Variants in PRKCH observed in about 807,000 individuals in gnomAD.
PRKCH encodes protein kinase C eta type.
A neutral mutation model predicts 82.5 loss-of-function variants in PRKCH; 28 were observed. The ratio of observed to expected loss-of-function variants is 0.34; its 90% confidence interval spans 0.25 to 0.47. The LOEUF (loss-of-function observed/expected upper bound fraction) is 0.47, where lower values mean the gene tolerates loss of function less well. Among genes scored for constraint, PRKCH ranks in the 20% least tolerant of loss-of-function variants. The pLI is 1.00. For missense variants in PRKCH, 705 were observed against 881.8 expected, an observed-to-expected ratio of 0.80 and a Z score of 2.54; for synonymous variants, 322 against 327.4, an observed-to-expected ratio of 0.98 and a Z score of 0.18.
chr14:61,339,984 G>A (rs1164925638), intron 1 of PRKCH, among the ~76,000 whole-genome samples: 1 of 151,894 alleles, frequency 6.6e-6, no homozygotes, highest in Non-Finnish European at 1.5e-5. Context: ...TGTGCCTGGC[G>A]AAACCTTCAT....
chr14:61,494,564 G>A (rs139605496), intron 10 of PRKCH, among the ~76,000 whole-genome samples: 70 of 152,310 alleles, frequency 4.6e-4, no homozygotes, highest in Non-Finnish European at 9.1e-4. Flanking sequence ...TACAGTGGAG[G>A]TGCCATTGAC....
chr14:61,547,937 C>A, intron 13 of PRKCH, 51 bp downstream of exon 13: 1 of 1,591,176 alleles, frequency 6.3e-7, no homozygotes, highest in South Asian at 1.1e-5. Context: ...GATGTCACAG[C>A]ATTCCACCAA....
chr14:61,304,281 GTCCTACAATA>G (rs2045468624), intron 1 of PRKCH: 1 of 151,836 alleles, frequency 6.6e-6, no homozygotes, highest in South Asian at 2.1e-4. Flanking sequence ...TGAATTGAGA[GTCCTACAATA>G]TATTTGTCTT....
At chr14:61,423,342 C>A (rs970175888) in intron 2 of PRKCH, among the ~76,000 whole-genome samples, 2 of 152,202 alleles carry the variant, frequency 1.3e-5, no homozygotes, top group Admixed American at 1.3e-4. Context: ...AAATCTAGCT[C>A]TGATCTCCTA....
chr14:61,449,892 CTCTCTCTCTGTG>C lies in PRKCH; in HGVS notation c.702+642_702+653del, dbSNP rs755677124. ...TCTCTCTCTCTCTCTCTCTCTCTCT[CTCTCTCTCTGTG>C]TGTGTGTGTGTGTGTGTGTATGTGT... is the stretch of plus-strand genomic sequence containing the variant. On this transcript the variant is annotated intron_variant, in intron 5 of 13. Coordinates refer to ENST00000332981, the MANE Select transcript of PRKCH (RefSeq NM_006255.5). Among the ~76,000 whole-genome samples the C allele has an allele frequency of 0.032, 793 of 24,742 alleles. 32 individuals carry two copies. The East Asian group carries it at 0.41, about 13-fold the overall frequency. The allele number at this position is 24,742 out of a possible 152,430, so 16.2% of individuals were successfully genotyped here. A position where few individuals can be genotyped will look rare whatever the true frequency, so the allele number is the denominator to read the frequency against.
At chr14:61,436,583 A>T (rs1052143710) in intron 2 of PRKCH, among the ~76,000 whole-genome samples, 1 of 152,172 alleles carries the variant, frequency 6.6e-6, no homozygotes, top group Non-Finnish European at 1.5e-5. Flanking sequence ...CCCAGGTTGG[A>T]GTATAATGGC....
chr14:61,444,741 C>A (rs1401715018), intron 3 of PRKCH, among the ~76,000 whole-genome samples: 3 of 152,126 alleles, frequency 2.0e-5, no homozygotes, highest in African/African-American at 7.2e-5. Context: ...AGTTGCGTAG[C>A]CTGTCAATGT....
intron 2 of PRKCH, among the ~76,000 whole-genome samples, chr14:61,420,988 A>T (rs1011132284): frequency 2.0e-5 from 3 of 151,938 alleles, no homozygotes; most frequent in Non-Finnish European, 2.9e-5. Context: ...GATTTATGTA[A>T]ATCTCTGGTG....
chr14:61,225,148 G>T (rs758771811), intron 1 of PRKCH, among the ~76,000 whole-genome samples: 3 of 152,194 alleles, frequency 2.0e-5, no homozygotes, highest in Non-Finnish European at 2.9e-5. Flanking sequence ...CTTTGTGTTG[G>T]AATTTGTTTT....
chr14:61,444,658 T>C (rs1884135214), intron 3 of PRKCH, among the ~76,000 whole-genome samples: 1 of 152,156 alleles, frequency 6.6e-6, no homozygotes, highest in East Asian at 1.9e-4. Flanking sequence ...TTGGTGTATA[T>C]ATTAATATAT....
chr14:61,403,848 C>G (rs1464922190), intron 2 of PRKCH, among the ~76,000 whole-genome samples: 2 of 152,062 alleles, frequency 1.3e-5, no homozygotes, highest in African/African-American at 4.8e-5. Context: ...ATTGTTTTTT[C>G]CTTGAAATTA....
chr14:61,508,622 A>G (rs1160539346), intron 10 of PRKCH, among the ~76,000 whole-genome samples: 1 of 151,880 alleles, frequency 6.6e-6, no homozygotes, highest in African/African-American at 2.4e-5. Flanking sequence ...CAGTCAGTCT[A>G]CCCCTCCCCA....
chr14:61,514,848 G>A (rs1000020518), intron 10 of PRKCH, among the ~76,000 whole-genome samples: 4 of 152,166 alleles, frequency 2.6e-5, no homozygotes, highest in South Asian at 2.1e-4. Context: ...CAGCCCAGAC[G>A]GGATTTTGAA....
At chr14:61,365,505 T>C (rs1364213866) in intron 1 of PRKCH, among the ~76,000 whole-genome samples, 2 of 152,086 alleles carry the variant, frequency 1.3e-5, no homozygotes, top group East Asian at 3.8e-4. Context: ...GAAAATGTAT[T>C]TCACGTATTT....
At chr14:61,369,059 C>G (rs2046333811) in intron 1 of PRKCH, among the ~76,000 whole-genome samples, 1 of 151,990 alleles carries the variant, frequency 6.6e-6, no homozygotes, top group South Asian at 2.1e-4. Flanking sequence ...CCCTCTTTGC[C>G]CTGAAGAACG....
At chr14:61,411,902 T>G (rs2140233203) in intron 2 of PRKCH, among the ~76,000 whole-genome samples, 1 of 152,348 alleles carries the variant, frequency 6.6e-6, no homozygotes, top group East Asian at 1.9e-4. Flanking sequence ...ATAGTGCTTC[T>G]GCCACCAACC....
chr14:61,497,020 G>A (rs1193355792), intron 10 of PRKCH, among the ~76,000 whole-genome samples: 1 of 152,166 alleles, frequency 6.6e-6, no homozygotes, highest in Non-Finnish European at 1.5e-5. Context: ...CTTCTGGAAA[G>A]TTTCTCTGAT....
intron 12 of PRKCH, among the ~76,000 whole-genome samples, chr14:61,545,735 T>C (rs1230940284): frequency 1.3e-5 from 2 of 152,134 alleles, no homozygotes; most frequent in Non-Finnish European, 2.9e-5. Flanking sequence ...ATTCCAAGGG[T>C]GCAGTTTTTA....
chr14:61,470,137 T>C (rs1885433072), intron 9 of PRKCH, among the ~76,000 whole-genome samples: 2 of 151,612 alleles, frequency 1.3e-5, no homozygotes, highest in South Asian at 4.2e-4. Context: ...GCATATCAAG[T>C]GCTCCGTTAT....
Sources: gnomAD v4.1 joint callset for allele counts (sites outside exome capture counted in the v4.1 genomes callset) on GRCh38, gnomAD v4.1.1 for gene constraint, MANE v1.5 for transcripts, NCBI Gene and HGNC (gene_info 2026-07-23, HGNC 2026-07-21) for gene names.